Variants in FAF1 observed in about 807,000 individuals in gnomAD.
The protein encoded by FAF1 is Fas associated factor 1, also known as FAS-associated factor 1.
FAF1 carries 25 observed loss-of-function variants against 92.5 expected under a neutral mutation model. The observed-to-expected ratio is 0.27, with a 90% confidence interval of 0.20 to 0.38. FAF1 has a LOEUF of 0.38. Ranked by LOEUF, FAF1 falls within the 10% of genes least tolerant of loss-of-function variation. The probability of loss-of-function intolerance (pLI) is 1.00; values close to 1 mark genes in which losing one functional copy is unlikely to be tolerated. For synonymous variants in FAF1, 234 were observed against 273.2 expected (o/e 0.86, Z 1.42); for missense variants, 636 against 793.3 (o/e 0.80, Z 2.38).
intron 15 of FAF1, among the ~76,000 whole-genome samples, chr1:50,527,764 C>A (rs1647889965): frequency 6.6e-6 from 1 of 150,446 alleles, no homozygotes; most frequent in South Asian, 2.1e-4. Context: ...ATATGCCATC[C>A]AACAGTGTCA....
chr1:50,441,212 G>T lies in FAF1; in HGVS notation c.*228C>A. On this transcript the variant is annotated 3_prime_UTR_variant, in exon 19 of 19. Coordinates refer to ENST00000396153, the MANE Select transcript of FAF1 (RefSeq NM_007051.3). ...GGGTGAAGTGCAGGGGGTAGGGGAG[G>T]GTGGCAGAGTTGTAATTCTCTGTAA... 6.9e-6 allele frequency: 3 copies of T among 433,994 alleles called. 1 individual carries two copies. In the South Asian group the frequency reaches 1.4e-4, roughly 21 times the overall value. The allele number at this position is 433,994 out of a possible 1,614,324, so 26.9% of individuals were successfully genotyped here.
intron 12 of FAF1, among the ~76,000 whole-genome samples, chr1:50,571,892 G>C (rs1444621503): frequency 6.6e-6 from 1 of 152,144 alleles, no homozygotes; most frequent in Non-Finnish European, 1.5e-5. Flanking sequence ...AAAAAGAAAG[G>C]GTTGTATTTT....
At chr1:50,919,896 G>C (rs1644949692) in intron 1 of FAF1, among the ~76,000 whole-genome samples, 1 of 152,196 alleles carries the variant, frequency 6.6e-6, no homozygotes, top group African/African-American at 2.4e-5. Context: ...AATGTAAGAA[G>C]TATAGCAAAG....
chr1:50,638,115 T>C (rs1037560166), intron 8 of FAF1, among the ~76,000 whole-genome samples: 19 of 152,220 alleles, frequency 1.2e-4, no homozygotes, highest in African/African-American at 4.3e-4. Flanking sequence ...TGTTGTTTGC[T>C]ATTATATTGT....
At chr1:50,521,754 T>C (rs1646474098) in intron 15 of FAF1, among the ~76,000 whole-genome samples, 1 of 152,272 alleles carries the variant, frequency 6.6e-6, no homozygotes, top group Non-Finnish European at 1.5e-5. Context: ...AAGAATGCAT[T>C]ACTGAGATAT....
intron 13 of FAF1, among the ~76,000 whole-genome samples, chr1:50,563,309 T>G (rs1209048600): frequency 6.6e-6 from 1 of 152,126 alleles, no homozygotes; most frequent in African/African-American, 2.4e-5. Context: ...CACACACCTG[T>G]AGTCCCAGCT....
Position 50,960,231 on chromosome 1 carries a change from T to G in FAF1, c.-420A>C. 1 of 333,636 alleles carries G rather than the reference T, an allele frequency of 3.0e-6. No homozygotes were observed. The highest frequency in any genetic ancestry group is 5.5e-6 in the Non-Finnish European group (1 of 183,304). 20.7% of individuals were successfully genotyped at this position (333,636 alleles called of 1,614,324 possible). The stretch of plus-strand genomic sequence containing the variant: ...GAACGCCGCGGCCGCCTCCGCCTCC[T>G]CCGCTTCCTCCCTGGCCGCCGCCTC... On this transcript the variant is annotated 5_prime_UTR_variant, in exon 1 of 19. Transcript: ENST00000396153.
chr1:50,556,224 C>T (rs1649571744), intron 13 of FAF1, among the ~76,000 whole-genome samples: 2 of 118,622 alleles, frequency 1.7e-5, no homozygotes, highest in South Asian at 2.7e-4. Flanking sequence ...GGCGAAAGAG[C>T]GAGACTCCAT....
At chr1:50,654,998 T>G (rs1347857938) in intron 8 of FAF1, among the ~76,000 whole-genome samples, 1 of 151,586 alleles carries the variant, frequency 6.6e-6, no homozygotes. Context: ...GAGATGGAGT[T>G]TCGCTTTTGT....
intron 13 of FAF1, among the ~76,000 whole-genome samples, chr1:50,562,133 T>C (rs968471081): frequency 6.6e-5 from 10 of 152,218 alleles, no homozygotes; most frequent in African/African-American, 1.9e-4. Context: ...TATTCTTTCA[T>C]AGCTAAGCAC....
In FAF1 at chr1:50,441,196, G is replaced by T; in HGVS notation, c.*244C>A. 2.5e-6 allele frequency: 1 copy of T among 407,144 alleles called. No individual in the cohort carries two copies. Among genetic ancestry groups the T allele is most frequent in the Non-Finnish European group, 4.4e-6 (1 of 228,044 alleles). 25.2% of individuals were successfully genotyped at this position (407,144 alleles called of 1,614,324 possible). ...ATTCGTCATTGAAGGAGGGTGAAGT[G>T]CAGGGGGTAGGGGAGGGTGGCAGAG... On this transcript the variant is annotated 3_prime_UTR_variant, in exon 19 of 19. Coordinates refer to ENST00000396153, the MANE Select transcript of FAF1 (RefSeq NM_007051.3).
At chr1:50,714,011 T>C (rs968090800) in intron 6 of FAF1, among the ~76,000 whole-genome samples, 5 of 150,774 alleles carry the variant, frequency 3.3e-5, no homozygotes. Context: ...GACCTCGTGA[T>C]CCACCCGCCT....
intron 2 of FAF1, among the ~76,000 whole-genome samples, chr1:50,849,711 G>A (rs1171266439): frequency 6.6e-6 from 1 of 152,028 alleles, no homozygotes; most frequent in African/African-American, 2.4e-5. Context: ...TTTGGCATAA[G>A]TAAAACATAA....
At chr1:50,938,390 T>C (rs1645103965) in intron 1 of FAF1, among the ~76,000 whole-genome samples, 1 of 152,198 alleles carries the variant, frequency 6.6e-6, no homozygotes, top group Non-Finnish European at 1.5e-5. Context: ...ACCAGTACCC[T>C]TTCATCAAAA....
intron 7 of FAF1, among the ~76,000 whole-genome samples, chr1:50,696,459 C>T (rs1309227331): frequency 6.6e-6 from 1 of 152,178 alleles, no homozygotes; most frequent in Non-Finnish European, 1.5e-5. Context: ...CCCCAACAAA[C>T]ATTTGCCTTT....
intron 9 of FAF1, among the ~76,000 whole-genome samples, chr1:50,586,122 T>C (rs1386415035): frequency 6.6e-6 from 1 of 152,130 alleles, no homozygotes; most frequent in Non-Finnish European, 1.5e-5. Flanking sequence ...GAATCATAGA[T>C]TTTAAAGCTG....
chr1:50,849,902 A>G (rs1032650029), intron 2 of FAF1, among the ~76,000 whole-genome samples: 1 of 152,204 alleles, frequency 6.6e-6, no homozygotes, highest in Non-Finnish European at 1.5e-5. Flanking sequence ...ACATTTATCA[A>G]TACAGCTCTT....
At chr1:50,702,624 T>C (rs2124418309) in intron 7 of FAF1, among the ~76,000 whole-genome samples, 1 of 152,178 alleles carries the variant, frequency 6.6e-6, no homozygotes, top group South Asian at 2.1e-4. Flanking sequence ...GAAGGATTTG[T>C]ACAGAGTTTT....
chr1:50,745,967 T>TATG, intron 4 of FAF1, among the ~76,000 whole-genome samples: 1 of 152,036 alleles, frequency 6.6e-6, no homozygotes, highest in East Asian at 1.9e-4. Context: ...AACAAAATGC[T>TATG]GACAGTGATA....
Sources: gnomAD v4.1 joint callset for allele counts (sites outside exome capture counted in the v4.1 genomes callset) on GRCh38, gnomAD v4.1.1 for gene constraint, MANE v1.5 for transcripts, NCBI Gene and HGNC (gene_info 2026-07-23, HGNC 2026-07-21) for gene names.